The following NRG1 variants were observed in gnomAD, a reference collection of about 807,000 sequenced individuals.
NRG1 encodes pro-neuregulin-1, membrane-bound isoform.
A neutral mutation model predicts 63.8 loss-of-function variants in NRG1; 18 were observed. The observed-to-expected ratio is 0.28, with a 90% CI of 0.19 to 0.42. The LOEUF is 0.42. NRG1 is among the 10% of genes least tolerant of loss of function. NRG1 has a pLI of 1.00. For missense variants in NRG1, 762 were observed against 814.7 expected, an observed-to-expected ratio of 0.94 and a Z score of 0.79; for synonymous variants, 302 against 301.3, an observed-to-expected ratio of 1.00 and a Z score of -0.02.
intron 1 of NRG1, among the ~76,000 whole-genome samples, chr8:31,883,705 G>A (rs532536548): frequency 1.3e-5 from 2 of 152,218 alleles, no homozygotes; most frequent in African/African-American, 4.8e-5. Context: ...CAGTTGGTTG[G>A]AGGGCATTAA....
At chr8:32,489,008 C>A (rs1339891013) in intron 1 of NRG1, among the ~76,000 whole-genome samples, 1 of 152,068 alleles carries the variant, frequency 6.6e-6, no homozygotes, top group Non-Finnish European at 1.5e-5. Context: ...AGCTTTAGAG[C>A]AGGAATGAAA....
At chr8:32,211,090 G>C (rs1461365206) in intron 1 of NRG1, among the ~76,000 whole-genome samples, 2 of 151,972 alleles carry the variant, frequency 1.3e-5, no homozygotes, top group Non-Finnish European at 2.9e-5. Flanking sequence ...CTCTCTAATC[G>C]CATTTCTCAG....
intron 1 of NRG1, among the ~76,000 whole-genome samples, chr8:32,368,285 G>C (rs1808350035): frequency 6.6e-6 from 1 of 152,172 alleles, no homozygotes; most frequent in South Asian, 2.1e-4. Context: ...AGTACTTCTA[G>C]GGTCTGGGTG....
chr8:32,288,573 T>G (rs1482203402), intron 1 of NRG1, among the ~76,000 whole-genome samples: 3 of 152,170 alleles, frequency 2.0e-5, no homozygotes, highest in African/African-American at 7.2e-5. Context: ...TGATTCCAGG[T>G]CTCATAATTC....
chr8:31,960,712 A>G (rs893926740), intron 1 of NRG1, among the ~76,000 whole-genome samples: 8 of 152,338 alleles, frequency 5.3e-5, no homozygotes, highest in Admixed American at 1.3e-4. Flanking sequence ...CTCAGTTGAG[A>G]ATTGAAACCT....
At chr8:32,474,874 T>A (rs541979232) in intron 1 of NRG1, among the ~76,000 whole-genome samples, 3 of 152,120 alleles carry the variant, frequency 2.0e-5, no homozygotes, top group African/African-American at 7.2e-5. Flanking sequence ...TGATGCTAGG[T>A]ACTCTACTGG....
At chr8:32,014,823 G>A (rs981102324) in intron 1 of NRG1, among the ~76,000 whole-genome samples, 26 of 151,804 alleles carry the variant, frequency 1.7e-4, no homozygotes, top group Non-Finnish European at 3.2e-4. Context: ...AGGTGATTAG[G>A]ATATATCCTA....
At chr8:32,494,657 G>C (rs1421064130) in intron 1 of NRG1, among the ~76,000 whole-genome samples, 1 of 152,136 alleles carries the variant, frequency 6.6e-6, no homozygotes, top group Non-Finnish European at 1.5e-5. Flanking sequence ...GTTGGAGACA[G>C]ACAACAAAAA....
At chr8:32,678,497 T>C (rs1315642281) in intron 5 of NRG1, among the ~76,000 whole-genome samples, 8 of 152,178 alleles carry the variant, frequency 5.3e-5, no homozygotes, top group Non-Finnish European at 1.0e-4. Context: ...TAGTGTTGAC[T>C]TTCTCACTCT....
intron 6 of NRG1, among the ~76,000 whole-genome samples, chr8:32,741,793 A>G (rs1238047668): frequency 2.0e-5 from 3 of 152,304 alleles, no homozygotes; most frequent in African/African-American, 2.4e-5. Context: ...CAGTTAACCA[A>G]TCATTTGAAG....
chr8:32,727,532 A>C, intron 5 of NRG1, among the ~76,000 whole-genome samples: 1 of 152,362 alleles, frequency 6.6e-6, no homozygotes, highest in South Asian at 2.1e-4. Context: ...CATTTCAAAA[A>C]TAAATAATTT....
At chr8:32,229,833 A>G (rs1846722616) in intron 1 of NRG1, among the ~76,000 whole-genome samples, 2 of 151,844 alleles carry the variant, frequency 1.3e-5, no homozygotes, top group Middle Eastern at 3.2e-3. Flanking sequence ...AGAATTCTCT[A>G]GACACATTTT....
chr8:32,713,533 G>C (rs1042683904), intron 5 of NRG1, among the ~76,000 whole-genome samples: 1 of 150,170 alleles, frequency 6.7e-6, no homozygotes, highest in African/African-American at 2.4e-5. Flanking sequence ...TTTCCTGCCT[G>C]CTCTCTCCTT....
chr8:32,264,359 T>G (rs940869114), intron 1 of NRG1, among the ~76,000 whole-genome samples: 4 of 151,996 alleles, frequency 2.6e-5, no homozygotes, highest in Admixed American at 6.6e-5. Context: ...AATTTTCTTT[T>G]TAAAAAAAGA....
At chr8:32,740,444 A>C (rs1445478574) in intron 6 of NRG1, among the ~76,000 whole-genome samples, 2 of 151,688 alleles carry the variant, frequency 1.3e-5, no homozygotes, top group Non-Finnish European at 2.9e-5. Flanking sequence ...TGATCTTCCC[A>C]CCTCAGCCTC....
At chr8:32,036,604 A>G (rs765532915) in intron 1 of NRG1, among the ~76,000 whole-genome samples, 2 of 152,142 alleles carry the variant, frequency 1.3e-5, no homozygotes, top group Non-Finnish European at 2.9e-5. Flanking sequence ...ATAATCCCAT[A>G]GTTCACAGAG....
chr8:32,595,791 G>A, intron 1 of NRG1, 37 bp from the exon 2 acceptor site: 1 of 1,572,620 alleles, frequency 6.4e-7, no homozygotes, highest in Non-Finnish European at 8.6e-7. Flanking sequence ...ATTGCCTGGT[G>A]ATCAGAGTTG....
intron 1 of NRG1, among the ~76,000 whole-genome samples, chr8:32,175,213 A>G (rs1377114745): frequency 6.6e-6 from 1 of 152,228 alleles, no homozygotes; most frequent in Non-Finnish European, 1.5e-5. Context: ...GCATATAAAC[A>G]GAACCAATGA....
intron 1 of NRG1, among the ~76,000 whole-genome samples, chr8:32,317,785 G>A (rs1233232263): frequency 1.3e-5 from 2 of 152,196 alleles, no homozygotes; most frequent in African/African-American, 2.4e-5. Context: ...AAATGAAGGA[G>A]ATTTCTACCT....
Sources: gnomAD v4.1 joint callset for allele counts (sites outside exome capture counted in the v4.1 genomes callset) on GRCh38, gnomAD v4.1.1 for gene constraint, MANE v1.5 for transcripts, NCBI Gene and HGNC (gene_info 2026-07-23, HGNC 2026-07-21) for gene names.